Variants in PAK1 observed in about 807,000 individuals in gnomAD.
The protein encoded by PAK1 is p21 (RAC1) activated kinase 1, also known as serine/threonine-protein kinase PAK 1.
In PAK1, 29 loss-of-function variants were observed where a neutral mutation model predicts 67.4. That is an observed-to-expected ratio of 0.43 (90% CI 0.32 to 0.59). The LOEUF is 0.59. Ranked by LOEUF, PAK1 falls within the 20% of genes least tolerant of loss-of-function variation. PAK1 has a pLI of 0.07. For missense variants in PAK1, 337 were observed against 670.7 expected (o/e 0.50, Z 5.50); for synonymous variants, 223 against 237.4 (o/e 0.94, Z 0.56).
upstream of PAK1, among the ~76,000 whole-genome samples, chr11:77,477,338 T>C (rs568375640): frequency 3.1e-3 from 478 of 152,256 alleles, 1 homozygote; most frequent in Non-Finnish European, 5.1e-3. Context: ...ATATTTCTGG[T>C]CACAAGACAT....
intron 5 of PAK1, among the ~76,000 whole-genome samples, chr11:77,365,484 C>G (rs1010504897): frequency 6.6e-6 from 1 of 151,076 alleles, no homozygotes; most frequent in Non-Finnish European, 1.5e-5. Flanking sequence ...TTGATAAAAA[C>G]ATTAAACTAC....
intron 13 of PAK1, among the ~76,000 whole-genome samples, chr11:77,334,739 G>A (rs1942366252): frequency 6.6e-6 from 1 of 151,938 alleles, no homozygotes; most frequent in Non-Finnish European, 1.5e-5. Context: ...TTAGCACACA[G>A]ACATCATCTT....
intron 1 of PAK1, among the ~76,000 whole-genome samples, chr11:77,397,607 T>C (rs1952005993): frequency 6.6e-6 from 1 of 152,200 alleles, no homozygotes; most frequent in Non-Finnish European, 1.5e-5. Context: ...ACTTTTCAAG[T>C]AGCCACTGTG....
chr11:77,491,293 A>G, the PAK1 span, among the ~76,000 whole-genome samples: 1 of 152,182 alleles, frequency 6.6e-6, no homozygotes, highest in South Asian at 2.1e-4. Context: ...GAATCTGTCA[A>G]AAATAATAAC....
the PAK1 span, among the ~76,000 whole-genome samples, chr11:77,496,019 C>CT: frequency 1.5e-3 from 185 of 126,228 alleles, 1 homozygote; most frequent in Middle Eastern, 0.012. Flanking sequence ...GAACTGTACA[C>CT]TTTTTTTTTT....
intron 1 of PAK1, among the ~76,000 whole-genome samples, chr11:77,434,103 G>C (rs951132741): frequency 3.3e-5 from 5 of 152,120 alleles, no homozygotes; most frequent in African/African-American, 1.2e-4. Flanking sequence ...GTTAAACATA[G>C]AGTTAGCACA....
chr11:77,381,822 C>T (rs951313667), intron 2 of PAK1, among the ~76,000 whole-genome samples: 1 of 152,176 alleles, frequency 6.6e-6, no homozygotes, highest in Non-Finnish European at 1.5e-5. Flanking sequence ...TTAATGAGAA[C>T]CATTTGCCTA....
At chr11:77,359,164 A>G in intron 5 of PAK1, 147 bp from the exon 6 acceptor site, 1 of 682,478 alleles carries the variant, frequency 1.5e-6, no homozygotes, top group South Asian at 1.9e-5. Flanking sequence ...TTGTGTAGCT[A>G]GTCTCAGAAG....
At chr11:77,486,985 T>G in the PAK1 span, among the ~76,000 whole-genome samples, 1 of 152,108 alleles carries the variant, frequency 6.6e-6, no homozygotes, top group South Asian at 2.1e-4. Context: ...AAGGAAATGC[T>G]TGCACCACCT....
At chr11:77,463,375 A>AT (rs1182468020) in intron 1 of PAK1, among the ~76,000 whole-genome samples, 1 of 152,170 alleles carries the variant, frequency 6.6e-6, no homozygotes, top group Non-Finnish European at 1.5e-5. Flanking sequence ...TTTAAAAAAA[A>AT]TTTTTAACGT....
intron 2 of PAK1, among the ~76,000 whole-genome samples, chr11:77,385,243 A>G (rs1181449688): frequency 6.6e-6 from 1 of 152,230 alleles, no homozygotes; most frequent in Non-Finnish European, 1.5e-5. Flanking sequence ...AAGTAAAAGG[A>G]GAAGGATTAC....
chr11:77,481,459 G>A, the PAK1 span, among the ~76,000 whole-genome samples: 4 of 151,858 alleles, frequency 2.6e-5, no homozygotes, highest in Admixed American at 6.6e-5. Flanking sequence ...GGCGGATCAC[G>A]AGGTCAATAG....
Position 77,433,859 on chromosome 11 carries a change from A to G in PAK1, c.-22+39693T>C, listed in dbSNP as rs74881565. 9.0e-3 allele frequency among the ~76,000 whole-genome samples: 1,375 copies of G among 152,336 alleles called. 67 individuals are homozygous for G. The East Asian group carries it at 0.12, about 13-fold the overall frequency. ...AAATAGACATTTGTCCCAGGAAGATATCCAAGTGGCCAATAAACACATGAA... is the reference window on the plus strand; with the variant it reads ...AAATAGACATTTGTCCCAGGAAGATGTCCAAGTGGCCAATAAACACATGAA... On this transcript the variant is annotated intron_variant, in intron 1 of 14. Coordinates refer to ENST00000356341, the MANE Select transcript of PAK1 (RefSeq NM_002576.5).
the PAK1 span, among the ~76,000 whole-genome samples, chr11:77,501,905 T>C: frequency 1.4e-5 from 2 of 140,050 alleles, no homozygotes; most frequent in African/African-American, 4.9e-5. Context: ...GACCAATATC[T>C]TCCTCCTTCT....
chr11:77,479,040 G>A (rs371529592), upstream of PAK1, among the ~76,000 whole-genome samples: 24 of 145,846 alleles, frequency 1.6e-4, no homozygotes, highest in South Asian at 3.4e-3. Flanking sequence ...AGCCGAGACC[G>A]CGCCACTGCA....
rs935255600 is a variant in PAK1 at position 77,402,608 on chromosome 11, C to T, written c.-21-10067G>A. 8.5e-5 allele frequency among the ~76,000 whole-genome samples: 13 copies of T among 152,224 alleles called. No individual in the cohort carries two copies. The East Asian group carries it at 1.7e-3, about 20-fold the overall frequency. ...CTCATAAAGTTGAGGCCCTTACAAT[C>T]GGAGAGCTGGAAGGAACCATAAAGG... On this transcript the variant is annotated intron_variant, in intron 1 of 14. Transcript: ENST00000356341.
chr11:77,330,096 C>T (rs1941106298), intron 14 of PAK1, among the ~76,000 whole-genome samples: 1 of 152,080 alleles, frequency 6.6e-6, no homozygotes, highest in African/African-American at 2.4e-5. Flanking sequence ...AGGACCTCTT[C>T]AAGGAGAACT....
At chr11:77,405,652 AAGAC>A (rs55978730) in intron 1 of PAK1, among the ~76,000 whole-genome samples, 28,473 of 135,148 alleles carry the variant, frequency 0.21, 3,199 homozygotes, top group Non-Finnish European at 0.26. Context: ...CTCCTATTCA[AAGAC>A]AGACAGACAG....
At chr11:77,451,189 T>C (rs1246234416) in intron 1 of PAK1, among the ~76,000 whole-genome samples, 1 of 152,204 alleles carries the variant, frequency 6.6e-6, no homozygotes, top group Non-Finnish European at 1.5e-5. Flanking sequence ...CCCCAAAATA[T>C]GACATCTTAG....
Sources: gnomAD v4.1 joint callset for allele counts (sites outside exome capture counted in the v4.1 genomes callset) on GRCh38, gnomAD v4.1.1 for gene constraint, MANE v1.5 for transcripts, NCBI Gene and HGNC (gene_info 2026-07-23, HGNC 2026-07-21) for gene names.